Variants in OCM observed in about 807,000 individuals in gnomAD.
The protein encoded by OCM is oncomodulin-1.
Under a neutral mutation model 14.1 loss-of-function variants are expected in OCM, and 18 were observed. The ratio of observed to expected loss-of-function variants is 1.28; its 90% CI spans 0.88 to 1.89. The LOEUF (loss-of-function observed/expected upper bound fraction) is 1.89, where lower values mean the gene tolerates loss of function less well. Among genes scored for constraint, OCM ranks in the 40% most tolerant of loss-of-function variants. The pLI, the probability that OCM is intolerant of heterozygous loss-of-function variation, is 0.00. For synonymous variants in OCM, 48 were observed against 51.0 expected (o/e 0.94, Z 0.25); for missense variants, 140 against 137.6 (o/e 1.02, Z -0.09).
the OCM span, among the ~76,000 whole-genome samples, chr7:5,868,709 C>T: frequency 2.0e-5 from 3 of 152,250 alleles, no homozygotes; most frequent in South Asian, 4.1e-4. Context: ...GCACTGGGAA[C>T]GTGAAGTCTG....
At chr7:5,872,258 A>C in the OCM span, among the ~76,000 whole-genome samples, 1,612 of 152,180 alleles carry the variant, frequency 0.011, 31 homozygotes, top group East Asian at 0.061. Context: ...CTTGTTATTC[A>C]TTCATTTCAT....
intron 1 of OCM, among the ~76,000 whole-genome samples, chr7:5,881,344 G>T (rs1781213728): frequency 2.7e-5 from 4 of 150,556 alleles, no homozygotes; most frequent in Admixed American, 6.6e-5. Flanking sequence ...AAGTAGACCA[G>T]GCATGGTGGC....
chr7:5,882,085 C>CA (rs60321561), intron 1 of OCM, among the ~76,000 whole-genome samples: 1,122 of 45,954 alleles, frequency 0.024, 146 homozygotes, highest in East Asian at 0.074. Flanking sequence ...GACTCTGTCT[C>CA]AAAAAAAAAA....
upstream of OCM, chr7:5,880,713 C>T: frequency 1.8e-6 from 1 of 561,654 alleles, no homozygotes; most frequent in Non-Finnish European, 3.1e-6. Context: ...GAGCCGAGAT[C>T]ACGCTCTTGC....
chr7:5,882,510 C>A lies in OCM; in HGVS notation c.79C>A (p.Pro27Thr), dbSNP rs1223433387. 1 of 1,614,116 alleles carries A rather than the reference C, an allele frequency of 6.2e-7. No individual in the cohort carries two copies. Among genetic ancestry groups the A allele is most frequent in the South Asian group, 1.1e-5 (1 of 91,076 alleles). The change falls in exon 2 of 4, where the codon CCC (proline) becomes ACC (threonine). Residue 27 changes from proline (P) to threonine (T), a missense_variant. Physicochemically the swap from Pro to Thr is conservative, Grantham distance 38. Transcript: ENST00000242104. ...QECRDPDTFE[P>T]QKFFQTSGLS... Reference sequence around the variant, plus strand: ...TTCTTCAGACCCAGACACTTTTGAACCCCAAAAATTCTTCCAGACATCAGG... The same window carrying A: ...TTCTTCAGACCCAGACACTTTTGAAACCCAAAAATTCTTCCAGACATCAGG...
At chr7:5,881,048 G>A (rs1781205357) in intron 1 of OCM, 98 bp downstream of exon 1, 2 of 1,226,066 alleles carry the variant, frequency 1.6e-6, no homozygotes, top group African/African-American at 1.5e-5. Flanking sequence ...GCCAGACGCA[G>A]TGGCTCACAC....
chr7:5,861,448 T>C, the OCM span, among the ~76,000 whole-genome samples: 1 of 151,686 alleles, frequency 6.6e-6, no homozygotes, highest in South Asian at 2.1e-4. Flanking sequence ...TCCCAGTTCT[T>C]GGGGAGGAAG....
chr7:5,869,857 C>G, the OCM span, among the ~76,000 whole-genome samples: 1 of 152,114 alleles, frequency 6.6e-6, no homozygotes, highest in Non-Finnish European at 1.5e-5. Context: ...GCATTCATAC[C>G]CTTGCTCCCG....
At chr7:5,869,667 C>T in the OCM span, among the ~76,000 whole-genome samples, 327 of 152,204 alleles carry the variant, frequency 2.1e-3, 3 homozygotes, top group African/African-American at 7.5e-3. Flanking sequence ...TCATTCCCAC[C>T]TGCACCCTTC....
At chr7:5,862,380 G>T in the OCM span, among the ~76,000 whole-genome samples, 1 of 151,552 alleles carries the variant, frequency 6.6e-6, no homozygotes, top group Admixed American at 6.6e-5. Context: ...TTCCCAGATG[G>T]CTCCCTCACA....
chr7:5,860,843 C>T, the OCM span, among the ~76,000 whole-genome samples: 29 of 147,804 alleles, frequency 2.0e-4, no homozygotes, highest in African/African-American at 7.2e-4. Flanking sequence ...CACATATATA[C>T]ACATACATAT....
At chr7:5,883,039 C>T (rs940624972) in intron 2 of OCM, among the ~76,000 whole-genome samples, 3 of 151,908 alleles carry the variant, frequency 2.0e-5, no homozygotes, top group Non-Finnish European at 4.4e-5. Flanking sequence ...GATGGGGCTT[C>T]ACTATGTTGC....
Position 5,886,362 on chromosome 7 carries a change from C to G in OCM, c.*273C>G, listed in dbSNP as rs1355673107. On this transcript the variant is annotated 3_prime_UTR_variant, in exon 4 of 4. Coordinates refer to ENST00000242104, the MANE Select transcript of OCM (RefSeq NM_001097622.2). ...CACCCAATAAAGACAGGCTTCTCAT[C>G]ATCTGCTGATGTGTGGGCGTGTTTT... is the stretch of plus-strand genomic sequence containing the variant. 2.1e-6 allele frequency: 1 copy of G among 471,614 alleles called. No individual in the cohort carries two copies. The highest frequency in any genetic ancestry group is 3.9e-6 in the Non-Finnish European group (1 of 258,034). 29.2% of individuals were successfully genotyped at this position (471,614 alleles called of 1,614,324 possible).
At chr7:5,879,163 T>C (rs528528573), upstream of OCM, among the ~76,000 whole-genome samples, 27 of 152,210 alleles carry the variant, frequency 1.8e-4, no homozygotes, top group Admixed American at 1.3e-4. Context: ...ATCGTGCCAC[T>C]GCACTCCAGC....
At chr7:5,884,470 G>C (rs915565135) in intron 3 of OCM, among the ~76,000 whole-genome samples, 1 of 152,136 alleles carries the variant, frequency 6.6e-6, no homozygotes, top group African/African-American at 2.4e-5. Flanking sequence ...ACATTAGCCC[G>C]CCAAGGGGAT....
At chr7:5,865,102 C>T in the OCM span, among the ~76,000 whole-genome samples, 2 of 152,186 alleles carry the variant, frequency 1.3e-5, no homozygotes, top group African/African-American at 4.8e-5. Context: ...TTGTTGTCAT[C>T]ATGACCCAGT....
chr7:5,860,266 C>T, the OCM span, among the ~76,000 whole-genome samples: 5 of 151,694 alleles, frequency 3.3e-5, no homozygotes, highest in African/African-American at 9.7e-5. Context: ...ATGAAAAAAT[C>T]AGCGTCCTAT....
At chr7:5,861,909 G>C in the OCM span, among the ~76,000 whole-genome samples, 2 of 151,882 alleles carry the variant, frequency 1.3e-5, no homozygotes, top group Non-Finnish European at 2.9e-5. Context: ...TTTTTTTAGA[G>C]ACAGGGTCTT....
Position 5,880,843 on chromosome 7 carries a change from G to A in OCM, c.-47G>A, listed in dbSNP as rs1562529810. On this transcript the variant is annotated 5_prime_UTR_variant, in exon 1 of 4. Coordinates refer to ENST00000242104, the MANE Select transcript of OCM (RefSeq NM_001097622.2). ...GTTTCCCCTGGATGTGCACATTCCT[G>A]TTTGTGGCTTATCGCCTCTCATTTA... 3.2e-6 allele frequency: 5 copies of A among 1,582,960 alleles called. No individual in the cohort carries two copies. Among genetic ancestry groups the A allele is most frequent in the South Asian group, 2.2e-5 (2 of 90,428 alleles).
Sources: gnomAD v4.1 joint callset for allele counts (sites outside exome capture counted in the v4.1 genomes callset) on GRCh38, gnomAD v4.1.1 for gene constraint, MANE v1.5 for transcripts, NCBI Gene and HGNC (gene_info 2026-07-23, HGNC 2026-07-21) for gene names.